IARS1: variants seen among roughly 807,000 people sequenced by gnomAD.
IARS1 encodes the protein isoleucine--tRNA ligase, cytoplasmic.
A neutral mutation model predicts 168.2 loss-of-function variants in IARS1; 124 were observed. The ratio of observed to expected loss-of-function variants is 0.74; its 90% CI spans 0.64 to 0.86. IARS1 has a LOEUF of 0.86. Ranked by LOEUF, IARS1 falls within the 40% of genes least tolerant of loss-of-function variation. IARS1 has a pLI of 0.00. For missense variants in IARS1, 1,452 were observed against 1,515.8 expected (o/e 0.96, Z 0.70); for synonymous variants, 532 against 529.4 (o/e 1.00, Z -0.07).
intron 2 of IARS1, among the ~76,000 whole-genome samples, chr9:92,288,687 C>T (rs1179302749): frequency 6.6e-6 from 1 of 151,948 alleles, no homozygotes; most frequent in African/African-American, 2.4e-5. Flanking sequence ...ACTATAGTAG[C>T]CTTCTATGGG....
At position 92,267,423 on chromosome 9, in the gene IARS1, G is replaced by A. The variant is rs1832435920; in HGVS notation, c.1431+751C>T. 2.0e-5 allele frequency among the ~76,000 whole-genome samples: 3 copies of A among 152,212 alleles called. No homozygotes were observed. In the South Asian group the frequency reaches 6.2e-4, roughly 32 times the overall value. On this transcript the variant is annotated intron_variant, in intron 14 of 33. Transcript: ENST00000443024. ...CAATGCTGTCAGCTTTGGACAGAAGGCCAAACACACAGATCTATCTGTATA... is the reference window on the plus strand; with the variant it reads ...CAATGCTGTCAGCTTTGGACAGAAGACCAAACACACAGATCTATCTGTATA...
intron 16 of IARS1, 79 bp downstream of exon 16, chr9:92,264,850 A>G: frequency 2.5e-6 from 3 of 1,224,392 alleles, no homozygotes; most frequent in Non-Finnish European, 3.4e-6. Context: ...CCAGTAGATA[A>G]ATGGCAGTGA....
At chr9:92,264,810 C>T (rs941859307) in intron 16 of IARS1, 119 bp downstream of exon 16, 2 of 871,790 alleles carry the variant, frequency 2.3e-6, no homozygotes, top group African/African-American at 1.7e-5. Flanking sequence ...GGAATGTAGC[C>T]TGTCTTATTT....
At chr9:92,230,444 A>T (rs1184230781) in intron 30 of IARS1, among the ~76,000 whole-genome samples, 1 of 152,182 alleles carries the variant, frequency 6.6e-6, no homozygotes, top group Admixed American at 6.5e-5. Context: ...GGATTAAAAT[A>T]AGTTACTGTG....
chr9:92,279,477 T>C (rs1232220822), intron 7 of IARS1, among the ~76,000 whole-genome samples: 1 of 152,182 alleles, frequency 6.6e-6, no homozygotes, highest in African/African-American at 2.4e-5. Flanking sequence ...GAGCCAGGCC[T>C]CTTTGTGGCC....
chr9:92,210,941 G>C, intron 33 of IARS1, 52 bp from the exon 34 acceptor site: 1 of 1,179,406 alleles, frequency 8.5e-7, no homozygotes, highest in Non-Finnish European at 1.3e-6. Flanking sequence ...CCTATTGGGG[G>C]TGAATATTTA....
intron 32 of IARS1, among the ~76,000 whole-genome samples, chr9:92,222,945 C>T (rs997511121): frequency 6.6e-6 from 1 of 151,572 alleles, no homozygotes; most frequent in Non-Finnish European, 1.5e-5. Context: ...GTGAGGAGCC[C>T]GAAGACTTCA....
chr9:92,258,507 C>T (rs1831049238), intron 19 of IARS1, among the ~76,000 whole-genome samples: 4 of 152,252 alleles, frequency 2.6e-5, no homozygotes, highest in African/African-American at 9.6e-5. Flanking sequence ...GAGGCAGTGC[C>T]TCAACCCAGG....
Position 92,265,021 on chromosome 9 carries a change from A to G in IARS1, c.1608T>C (p.Ala536=). 1 of 1,614,168 alleles carries G rather than the reference A, an allele frequency of 6.2e-7. No homozygotes were observed. Among genetic ancestry groups the G allele is most frequent in the Non-Finnish European group, 8.5e-7 (1 of 1,180,018 alleles). Residue 536 remains alanine, a synonymous_variant, in exon 16 of 34, where the codon GCT becomes GCC. Coordinates refer to ENST00000443024, the MANE Select transcript of IARS1 (RefSeq NM_002161.6). ...CWFESGSMPY[A]QVHYPFENKR... is the part of the protein sequence containing the mutation. Reference sequence around the variant, plus strand: ...TGTTTTCAAACGGGTAATGAACCTGAGCATAGGGCATGCTGCCACTCTCAA... The same window carrying G: ...TGTTTTCAAACGGGTAATGAACCTGGGCATAGGGCATGCTGCCACTCTCAA...
chr9:92,266,097 C>A (rs542850353), intron 14 of IARS1, among the ~76,000 whole-genome samples: 2 of 152,330 alleles, frequency 1.3e-5, no homozygotes, highest in South Asian at 2.1e-4. Flanking sequence ...TCTGTTTCCA[C>A]CCCAGTATCA....
chr9:92,227,803 C>T (rs1432394029), intron 31 of IARS1, among the ~76,000 whole-genome samples: 2 of 151,076 alleles, frequency 1.3e-5, no homozygotes, highest in African/African-American at 4.9e-5. Context: ...GCGCTCCTCA[C>T]TTCCTAGATG....
At chr9:92,216,838 C>T (rs1838785026) in intron 33 of IARS1, among the ~76,000 whole-genome samples, 1 of 140,218 alleles carries the variant, frequency 7.1e-6, no homozygotes, top group Admixed American at 7.3e-5. Flanking sequence ...ACTTTAACAC[C>T]CCACTGTCAA....
chr9:92,263,378 G>C (rs954304662), intron 16 of IARS1, among the ~76,000 whole-genome samples: 1 of 152,108 alleles, frequency 6.6e-6, no homozygotes, highest in Non-Finnish European at 1.5e-5. Context: ...GAAGATGAAG[G>C]ATGGGTTTTG....
At chr9:92,282,861 T>TATATATATA (rs1491424150) in intron 6 of IARS1, among the ~76,000 whole-genome samples, 4 of 109,728 alleles carry the variant, frequency 3.6e-5, no homozygotes, top group African/African-American at 1.4e-4. Flanking sequence ...TATATATATA[T>TATATATATA]TTTTTTTTTT....
chr9:92,265,192 T>A (rs1035050679), intron 15 of IARS1, 69 bp from the exon 16 acceptor site: 3 of 1,316,902 alleles, frequency 2.3e-6, no homozygotes, highest in Non-Finnish European at 3.1e-6. Flanking sequence ...TAATTGCTAA[T>A]AGGAAACACA....
chr9:92,269,307 T>C (rs891053141), intron 13 of IARS1, among the ~76,000 whole-genome samples: 13 of 152,214 alleles, frequency 8.5e-5, no homozygotes, highest in Non-Finnish European at 1.5e-4. Flanking sequence ...TTCAAACTTG[T>C]AGTGAAAAAC....
At chr9:92,220,138 A>AATC (rs1839428967) in intron 33 of IARS1, among the ~76,000 whole-genome samples, 2 of 149,682 alleles carry the variant, frequency 1.3e-5, no homozygotes, top group South Asian at 2.2e-4. Flanking sequence ...TGAAATTGGA[A>AATC]ATCATCATTC....
chr9:92,224,646 A>AAT (rs1028777681), intron 31 of IARS1, among the ~76,000 whole-genome samples: 103 of 152,254 alleles, frequency 6.8e-4, no homozygotes, highest in African/African-American at 2.4e-3. Flanking sequence ...GAGCCTGGGC[A>AAT]ATACAGCAAG....
intron 25 of IARS1, among the ~76,000 whole-genome samples, chr9:92,248,943 T>C (rs116531312): frequency 2.0e-5 from 3 of 152,222 alleles, no homozygotes; most frequent in African/African-American, 7.2e-5. Flanking sequence ...TAAAATATCA[T>C]GGAATAAAAA....
Sources: allele counts gnomAD v4.1 joint callset (sites outside exome capture counted in the v4.1 genomes callset), GRCh38; gene constraint gnomAD v4.1.1; transcripts MANE v1.5; gene names NCBI Gene and HGNC (gene_info 2026-07-23, HGNC 2026-07-21).